CYP4F3: variants seen among roughly 807,000 people sequenced by gnomAD.
The protein encoded by CYP4F3 is cytochrome P450 family 4 subfamily F member 3, also known as cytochrome P450 4F3.
CYP4F3 carries 50 observed loss-of-function variants against 54.8 expected under a neutral mutation model. The ratio of observed to expected loss-of-function variants is 0.91; its 90% CI spans 0.73 to 1.16. The LOEUF (loss-of-function observed/expected upper bound fraction) is 1.16, where lower values mean the gene tolerates loss of function less well. CYP4F3 is among the 50% of genes most tolerant of loss of function. CYP4F3 has a pLI of 0.00. For missense variants in CYP4F3, 715 were observed against 676.2 expected (o/e 1.06, Z -0.64); for synonymous variants, 244 against 262.6 (o/e 0.93, Z 0.69).
rs186767759 is a variant in CYP4F3, at chr19:15,655,353, T to C, written c.1115+2401T>C. Among the ~76,000 whole-genome samples, 4 of 152,342 alleles carry C rather than the reference T, an allele frequency of 2.6e-5. No homozygotes were observed. The East Asian group carries it at 7.7e-4, about 29-fold the overall frequency. On this transcript the variant is annotated intron_variant, in intron 9 of 12. Transcript: ENST00000221307. The stretch of plus-strand genomic sequence containing the variant: ...TCTTCGCTTTGTTGATTGTTTCCTT[T>C]GCTGTGCAGAAGCTTTTTTGCTTGA...
intron 9 of CYP4F3, among the ~76,000 whole-genome samples, chr19:15,656,782 T>TCAAC (rs59486544): frequency 6.6e-6 from 1 of 150,706 alleles, no homozygotes; most frequent in African/African-American, 2.4e-5. Context: ...CATCCATCCA[T>TCAAC]GATCTATCTC....
chr19:15,645,568 T>G, intron 2 of CYP4F3, 151 bp from the exon 3 acceptor site: 1 of 985,484 alleles, frequency 1.0e-6, no homozygotes, highest in Non-Finnish European at 1.5e-6. Context: ...ATGGAGGATG[T>G]GAGGAGGAAG....
At chr19:15,643,365 GATAC>G (rs1972525032) in intron 2 of CYP4F3, among the ~76,000 whole-genome samples, 1 of 144,730 alleles carries the variant, frequency 6.9e-6, no homozygotes, top group Non-Finnish European at 1.5e-5. Flanking sequence ...TACATATATA[GATAC>G]ATAGATAGGT....
intron 9 of CYP4F3, among the ~76,000 whole-genome samples, chr19:15,656,707 GTATC>G (rs2144672572): frequency 1.4e-5 from 2 of 147,044 alleles, no homozygotes; most frequent in South Asian, 2.2e-4. Context: ...TATTATCTAT[GTATC>G]TATCTATATC....
intron 2 of CYP4F3, chr19:15,643,890 C>A (rs780567542): frequency 6.5e-7 from 1 of 1,544,094 alleles, no homozygotes; most frequent in Admixed American, 2.1e-5. Flanking sequence ...AGGTGACGGC[C>A]CCTGCCTTGC....
chr19:15,647,133 G>T, intron 4 of CYP4F3, 28 bp downstream of exon 4: 1 of 1,613,986 alleles, frequency 6.2e-7, no homozygotes, highest in East Asian at 2.2e-5. Flanking sequence ...AACAGGGTTG[G>T]GAACAACCTG....
chr19:15,655,353 T>A (rs186767759), intron 9 of CYP4F3, among the ~76,000 whole-genome samples: 5 of 152,224 alleles, frequency 3.3e-5, no homozygotes, highest in African/African-American at 9.6e-5. Flanking sequence ...TTGTTTCCTT[T>A]GCTGTGCAGA....
At position 15,659,242 on chromosome 19, in the gene CYP4F3, G is replaced by A. The variant is rs118159249; in HGVS notation, c.1420G>A (p.Ala474Thr). The A allele has an allele frequency of 6.0e-4, 967 of 1,611,234 alleles. 7 individuals are homozygous for A. In the East Asian group the frequency reaches 0.017, roughly 28 times the overall value. Reference sequence around the variant, plus strand: ...AAGGAACTGCATCGGGCAGGCGTTCGCGATGGCGGAGATGAAGGTGGTCCT... The same window carrying A: ...AAGGAACTGCATCGGGCAGGCGTTCACGATGGCGGAGATGAAGGTGGTCCT... ...GPRNCIGQAF[A>T]MAEMKVVLGL... Residue 474 changes from alanine (A) to threonine (T), a missense_variant, in exon 13 of 13, where the codon GCG becomes ACG. Transcript: ENST00000221307.
In CYP4F3 at chr19:15,649,221, G is replaced by C; in HGVS notation, c.587G>C (p.Ser196Thr). 6.2e-7 allele frequency: 1 copy of C among 1,613,490 alleles called. No individual in the cohort carries two copies. Among genetic ancestry groups the C allele is most frequent in the Non-Finnish European group, 8.5e-7 (1 of 1,179,594 alleles). Residue 196 changes from serine (S) to threonine (T), a missense_variant, in exon 6 of 13, where the codon AGC (serine) becomes ACC (threonine). Transcript: ENST00000221307. ...SARLDMFEHI[S>T]LMTLDSLQKC... The stretch of plus-strand genomic sequence containing the variant: ...CGTCTGGACATGTTTGAGCACATCA[G>C]CCTCATGACCTTGGACAGTCTGCAG...
chr19:15,647,516 C>A (rs1462675411), intron 5 of CYP4F3, among the ~76,000 whole-genome samples, 192 bp downstream of exon 5: 1 of 152,128 alleles, frequency 6.6e-6, no homozygotes, highest in African/African-American at 2.4e-5. Flanking sequence ...ATGTCTCTGG[C>A]GCATAGTAGG....
intron 9 of CYP4F3, among the ~76,000 whole-genome samples, chr19:15,653,726 AGAGAGAGAG>A (rs1972930822): frequency 7.2e-6 from 1 of 139,418 alleles, no homozygotes; most frequent in Non-Finnish European, 1.5e-5. Context: ...CGGGGGAGGA[AGAGAGAGAG>A]GAGAGAGAGA....
At position 15,658,324 on chromosome 19, in the gene CYP4F3, TC is replaced by T. The variant is rs763457380; in HGVS notation, c.1181del (p.Pro394GlnfsTer85). The T allele has an allele frequency of 1.2e-6, 2 of 1,614,006 alleles. No individual in the cohort carries two copies. The highest frequency in any genetic ancestry group is 1.1e-5 in the South Asian group (1 of 91,068). On this transcript the variant is annotated frameshift_variant, in exon 10 of 13. Coordinates refer to ENST00000221307, the MANE Select transcript of CYP4F3 (RefSeq NM_000896.3). LOFTEE classifies it high-confidence loss of function. ...GCATTAAGGAGAGCCTGAGGCTGCA[TC>T]CCCCAGTCCCTGCCGTCTCTCGCTG... ...MCIKESLRLHPPVPAVSRCCT... is the reference protein window; with the variant it reads ...MCIKESLRLHXPVPAVSRCCT...
chr19:15,654,355 T>C (rs1972958045), intron 9 of CYP4F3, among the ~76,000 whole-genome samples: 2 of 152,216 alleles, frequency 1.3e-5, no homozygotes, highest in Non-Finnish European at 2.9e-5. Flanking sequence ...ATCCATTGCC[T>C]GAAATATTTG....
intron 2 of CYP4F3, among the ~76,000 whole-genome samples, chr19:15,643,406 A>G (rs563088598): frequency 2.0e-3 from 18 of 9,100 alleles, no homozygotes; most frequent in Admixed American, 6.8e-3. Context: ...ATATAGGTAA[A>G]TAGATAGATA....
chr19:15,658,337 G>C lies in CYP4F3; in HGVS notation c.1189G>C (p.Ala397Pro). ...ESLRLHPPVP[A>P]VSRCCTQDIV... ...CCTGAGGCTGCATCCCCCAGTCCCT[G>C]CCGTCTCTCGCTGCTGCACCCAAGA... is the stretch of plus-strand genomic sequence containing the variant. Residue 397 changes from alanine to proline, a missense_variant, in exon 10 of 13, where the codon GCC becomes CCC. Physicochemically the swap from Ala to Pro is conservative, Grantham distance 27 (BLOSUM62 -1). Transcript: ENST00000221307. The C allele has an allele frequency of 6.2e-7, 1 of 1,614,138 alleles. No individual in the cohort carries two copies. The highest frequency in any genetic ancestry group is 1.6e-4 in the Middle Eastern group (1 of 6,062).
chr19:15,656,513 CT>C (rs1973018985), intron 9 of CYP4F3, among the ~76,000 whole-genome samples: 3 of 69,382 alleles, frequency 4.3e-5, no homozygotes, highest in Non-Finnish European at 8.3e-5. Context: ...ATCTATCTAT[CT>C]ATCTATCTAT....
rs146820845 is a variant in CYP4F3 at position 15,643,928 on chromosome 19, A to G, written c.199-1791A>G. 7.7e-5 allele frequency: 124 copies of G among 1,600,832 alleles called. 2 individuals carry two copies. The East Asian group carries it at 2.8e-3, about 36-fold the overall frequency. ...GCAGGTCACCCCCACGGAGCAGGGC[A>G]TGAGGGTCCTGACTCAGCTGGTGGC... is the stretch of plus-strand genomic sequence containing the variant. On this transcript the variant is annotated intron_variant, in intron 2 of 12. Coordinates refer to ENST00000221307, the MANE Select transcript of CYP4F3 (RefSeq NM_000896.3).
intron 12 of CYP4F3, 72 bp from the exon 13 acceptor site, chr19:15,659,148 C>G: frequency 7.4e-7 from 1 of 1,355,106 alleles, no homozygotes; most frequent in Non-Finnish European, 1.0e-6. Flanking sequence ...GTGTCCCAGG[C>G]CAGGTTACCG....
At chr19:15,656,752 C>A (rs1973035275) in intron 9 of CYP4F3, among the ~76,000 whole-genome samples, 1 of 97,396 alleles carries the variant, frequency 1.0e-5, no homozygotes. Flanking sequence ...ATCTATCTAT[C>A]TATCTATCTA....
Sources: allele counts gnomAD v4.1 joint callset (sites outside exome capture counted in the v4.1 genomes callset), GRCh38; gene constraint gnomAD v4.1.1; transcripts MANE v1.5; gene names NCBI Gene and HGNC (gene_info 2026-07-23, HGNC 2026-07-21).